The following EHMT1 variants were observed in gnomAD, a reference collection of about 807,000 sequenced individuals.
The protein encoded by EHMT1 is euchromatic histone lysine methyltransferase 1.
A neutral mutation model predicts 147.2 loss-of-function variants in EHMT1; 15 were observed. That is an observed-to-expected ratio of 0.10 (90% confidence interval 0.07 to 0.16). The LOEUF is 0.16. EHMT1 is among the 10% of genes least tolerant of loss of function. The pLI is 1.00. For synonymous variants in EHMT1, 795 were observed against 709.6 expected (o/e 1.12, Z -1.91); for missense variants, 1,587 against 1,772.4 (o/e 0.90, Z 1.88).
chr9:137,720,082 G>A (rs13302892), intron 3 of EHMT1, among the ~76,000 whole-genome samples: 9 of 73,408 alleles, frequency 1.2e-4, no homozygotes, highest in Middle Eastern at 0.01. Flanking sequence ...CCACACCAGG[G>A]CACAGTCGAG....
chr9:137,677,626 C>G (rs1270504637), intron 1 of EHMT1, among the ~76,000 whole-genome samples: 3 of 151,936 alleles, frequency 2.0e-5, no homozygotes, highest in African/African-American at 7.3e-5. Context: ...GGGGTTTCAT[C>G]GTGTTAGCCA....
At chr9:137,740,184 C>G (rs1351087009) in intron 4 of EHMT1, among the ~76,000 whole-genome samples, 1 of 152,234 alleles carries the variant, frequency 6.6e-6, no homozygotes, top group Non-Finnish European at 1.5e-5. Context: ...CACCCCCACC[C>G]CACGCCCATT....
At chr9:137,663,143 T>C (rs1449093936) in intron 1 of EHMT1, among the ~76,000 whole-genome samples, 9 of 152,232 alleles carry the variant, frequency 5.9e-5, no homozygotes, top group Non-Finnish European at 8.8e-5. Flanking sequence ...CCACTCATTT[T>C]ATTATCTCTT....
chr9:137,754,120 C>T (rs779831388), intron 7 of EHMT1, 51 bp from the exon 8 acceptor site: 22 of 1,613,108 alleles, frequency 1.4e-5, no homozygotes, highest in East Asian at 2.2e-5. Flanking sequence ...TCTTGCCTTC[C>T]GTAGCTTCCT....
At chr9:137,799,381 C>G (rs1265664253) in intron 17 of EHMT1, among the ~76,000 whole-genome samples, 1 of 152,178 alleles carries the variant, frequency 6.6e-6, no homozygotes, top group African/African-American at 2.4e-5. Flanking sequence ...TCCTTGGCAC[C>G]CGTCTTCCTT....
chr9:137,644,241 C>T (rs539078728), intron 1 of EHMT1, among the ~76,000 whole-genome samples: 1 of 152,054 alleles, frequency 6.6e-6, no homozygotes, highest in South Asian at 2.1e-4. Context: ...AATACGTAAA[C>T]AAGTGGGGGT....
At chr9:137,763,536 A>G (rs757155486) in intron 10 of EHMT1, 1 of 156,254 alleles carries the variant, frequency 6.4e-6, no homozygotes, top group Non-Finnish European at 1.4e-5. Context: ...GCACGTGGCC[A>G]TTAGTGTCGT....
chr9:137,833,544 C>T (rs1052202981), intron 25 of EHMT1, among the ~76,000 whole-genome samples: 2 of 152,244 alleles, frequency 1.3e-5, no homozygotes, highest in Non-Finnish European at 2.9e-5. Flanking sequence ...CCCAGCAGCT[C>T]CAAGCCCTGG....
chr9:137,619,255 G>T (rs1589001524), intron 1 of EHMT1, among the ~76,000 whole-genome samples: 1 of 143,972 alleles, frequency 6.9e-6, no homozygotes, highest in East Asian at 2.1e-4. Flanking sequence ...GCTCCCGCCG[G>T]GCGCGCTTTG....
chr9:137,790,842 C>G lies in EHMT1; in HGVS notation c.2383-6C>G. On this transcript the variant is annotated splice_polypyrimidine_tract_variant and splice_region_variant and intron_variant, in intron 15 of 26. Coordinates refer to ENST00000460843, the MANE Select transcript of EHMT1 (RefSeq NM_024757.5). ...CTCCCATACACCTGAACTGTTGTTT[C>G]ACTAGGCGGGCGCTAATATTGACAC... 3 of 1,614,178 alleles carry G rather than the reference C, an allele frequency of 1.9e-6. No homozygotes were observed. The highest frequency in any genetic ancestry group is 2.2e-5 in the South Asian group (2 of 91,080).
chr9:137,752,558 C>A, intron 7 of EHMT1, 150 bp downstream of exon 7: 1 of 912,696 alleles, frequency 1.1e-6, no homozygotes, highest in Non-Finnish European at 1.7e-6. Flanking sequence ...ACAGATGGGT[C>A]CTGTCCCTGG....
intron 4 of EHMT1, 75 bp downstream of exon 4, chr9:137,728,604 T>C: frequency 1.3e-6 from 2 of 1,597,444 alleles, no homozygotes; most frequent in East Asian, 4.5e-5. Flanking sequence ...GTGAGAGTTC[T>C]GTTTGGCTGT....
At chr9:137,747,674 A>G (rs758420434) in intron 6 of EHMT1, 3 of 152,170 alleles carry the variant, frequency 2.0e-5, no homozygotes, top group Non-Finnish European at 2.9e-5. Flanking sequence ...CTGTTTTCTG[A>G]ATTTGGGGGG....
Position 137,743,363 on chromosome 9 carries a change from T to TG in EHMT1, c.824-8_824-7insG. 6.4e-7 allele frequency: 1 copy of TG among 1,574,658 alleles called. No individual in the cohort carries two copies. On this transcript the variant is annotated splice_region_variant and splice_polypyrimidine_tract_variant and intron_variant, in intron 4 of 26. Transcript: ENST00000460843. ...TTGTCCCCTTTTGACTTTTTTTTTTTTTTTTAGCTTGCTTGCCTTTTGTTT... is the reference window on the plus strand; with the variant it reads ...TTGTCCCCTTTTGACTTTTTTTTTTTGTTTTTAGCTTGCTTGCCTTTTGTTT...
chr9:137,633,842 A>G (rs1468873294), intron 1 of EHMT1, among the ~76,000 whole-genome samples: 2 of 122,918 alleles, frequency 1.6e-5, no homozygotes, highest in African/African-American at 6.7e-5. Context: ...TTTTTTTTTG[A>G]GACAGTCTCG....
chr9:137,789,155 C>T (rs942537497), intron 15 of EHMT1: 1 of 152,436 alleles, frequency 6.6e-6, no homozygotes, highest in African/African-American at 2.4e-5. Context: ...CGCAGCCTCC[C>T]GTTTCCTGTG....
chr9:137,659,878 C>T (rs1423292914), intron 1 of EHMT1, among the ~76,000 whole-genome samples: 1 of 152,072 alleles, frequency 6.6e-6, no homozygotes, highest in Admixed American at 6.6e-5. Context: ...GCTTGGCCCC[C>T]TTTTGTATTT....
chr9:137,788,003 G>A, intron 15 of EHMT1: 15 of 1,455,746 alleles, frequency 1.0e-5, no homozygotes, highest in South Asian at 3.5e-5. Context: ...GCAGTAAGTG[G>A]AGAGGCCAGG....
intron 25 of EHMT1, chr9:137,820,159 A>G (rs1955289857): frequency 6.6e-6 from 1 of 152,190 alleles, no homozygotes; most frequent in African/African-American, 2.4e-5. Context: ...CCCTGCAGCC[A>G]CCTTCTAAGA....
Sources: allele counts gnomAD v4.1 joint callset (sites outside exome capture counted in the v4.1 genomes callset), GRCh38; gene constraint gnomAD v4.1.1; transcripts MANE v1.5; gene names NCBI Gene and HGNC (gene_info 2026-07-23, HGNC 2026-07-21).